The following COA1 variants were observed in gnomAD, a reference collection of about 807,000 sequenced individuals.
COA1 encodes cytochrome c oxidase assembly factor 1 homolog.
In COA1, 13 loss-of-function variants were observed where a neutral mutation model predicts 16.0. The ratio of observed to expected loss-of-function variants is 0.81; its 90% CI spans 0.53 to 1.29. COA1 has a LOEUF of 1.29. COA1 is among the 50% of genes most tolerant of loss of function. COA1 has a pLI of 0.00. For missense variants in COA1, 179 were observed against 177.0 expected, an observed-to-expected ratio of 1.01 and a Z score of -0.06; for synonymous variants, 65 against 65.7, an observed-to-expected ratio of 0.99 and a Z score of 0.05.
intron 1 of COA1, among the ~76,000 whole-genome samples, chr7:43,664,510 T>C (rs1163315926): frequency 1.3e-5 from 2 of 152,184 alleles, no homozygotes; most frequent in East Asian, 1.9e-4. Flanking sequence ...TCCTGACCTG[T>C]GTGGCGATTA....
intron 1 of COA1, among the ~76,000 whole-genome samples, chr7:43,659,474 G>C (rs565826554): frequency 1.3e-5 from 2 of 152,274 alleles, no homozygotes; most frequent in Admixed American, 6.5e-5. Context: ...AAGGTATTCA[G>C]TACTTTCTGG....
At chr7:43,700,494 A>G (rs1023636536) in intron 1 of COA1, among the ~76,000 whole-genome samples, 1 of 151,750 alleles carries the variant, frequency 6.6e-6, no homozygotes, top group East Asian at 1.9e-4. Flanking sequence ...AAACTGACAA[A>G]GATGCCCTAA....
intron 1 of COA1, among the ~76,000 whole-genome samples, chr7:43,715,006 TAAA>T (rs755827781): frequency 0.012 from 1,184 of 95,660 alleles, 26 homozygotes; most frequent in African/African-American, 0.034. Flanking sequence ...GCCTCTTGTC[TAAA>T]AAAAAAAAAA....
chr7:43,619,827 T>C, intron 6 of COA1: 2 of 1,384,214 alleles, frequency 1.4e-6, no homozygotes, highest in South Asian at 1.4e-5. Context: ...ATCTACTATG[T>C]TGAAATTCTA....
At chr7:43,692,409 T>C (rs1347803057) in intron 1 of COA1, among the ~76,000 whole-genome samples, 4 of 151,970 alleles carry the variant, frequency 2.6e-5, no homozygotes, top group Non-Finnish European at 5.9e-5. Context: ...TCTCAGCTAC[T>C]TGGGAGGCTG....
chr7:43,700,547 TAC>T (rs1230956877), intron 1 of COA1, among the ~76,000 whole-genome samples: 3 of 150,072 alleles, frequency 2.0e-5, no homozygotes, highest in Non-Finnish European at 4.4e-5. Context: ...TATATATATA[TAC>T]ATACACGTAT....
intron 1 of COA1, among the ~76,000 whole-genome samples, chr7:43,685,428 A>G (rs1356744031): frequency 6.6e-6 from 1 of 152,208 alleles, no homozygotes. Context: ...CTTTACATAT[A>G]TATCAACAAT....
At chr7:43,709,335 T>G (rs974002776) in intron 1 of COA1, among the ~76,000 whole-genome samples, 1 of 152,070 alleles carries the variant, frequency 6.6e-6, no homozygotes, top group African/African-American at 2.4e-5. Flanking sequence ...CTATCTCCTA[T>G]AATCTTTACT....
intron 1 of COA1, among the ~76,000 whole-genome samples, chr7:43,716,158 GTGT>G (rs1458130695): frequency 6.6e-6 from 1 of 152,122 alleles, no homozygotes; most frequent in African/African-American, 2.4e-5. Context: ...CAGCAGTGGG[GTGT>G]TGTTGAAGAT....
intron 1 of COA1, among the ~76,000 whole-genome samples, chr7:43,729,197 C>A (rs1486695861): frequency 1.3e-5 from 2 of 152,186 alleles, no homozygotes; most frequent in Non-Finnish European, 2.9e-5. Context: ...AAGGTTAGCT[C>A]GACACAGCCT....
At chr7:43,624,830 ATTT>A (rs770814106) in intron 6 of COA1, 65 of 1,600,570 alleles carry the variant, frequency 4.1e-5, no homozygotes, top group Middle Eastern at 1.7e-4. Flanking sequence ...TTCCAGGAGA[ATTT>A]ATCTACTGAG....
intron 6 of COA1, among the ~76,000 whole-genome samples, chr7:43,627,439 C>T (rs1025988804): frequency 6.6e-6 from 1 of 151,998 alleles, no homozygotes; most frequent in Non-Finnish European, 1.5e-5. Flanking sequence ...GGGGGTGGTG[C>T]GTGACTCAGT....
chr7:43,674,728 T>C (rs1027203627), intron 1 of COA1, among the ~76,000 whole-genome samples: 6 of 152,260 alleles, frequency 3.9e-5, no homozygotes, highest in African/African-American at 7.2e-5. Context: ...ATTGAGTTTA[T>C]TCAGTTAGTC....
rs1359747161 is a variant in COA1, at chr7:43,639,370, A to T, written c.*212T>A. On this transcript the variant is annotated 3_prime_UTR_variant, in exon 6 of 6. Transcript: ENST00000223336. ...AATTTATAATAGGAGTTTCTTTCGG[A>T]TTCAGTTTAAAAATGACAAATAGCA... is the stretch of plus-strand genomic sequence containing the variant. 2.4e-6 allele frequency: 1 copy of T among 419,866 alleles called. No homozygotes were observed. The highest frequency in any genetic ancestry group is 2.0e-5 in the African/African-American group (1 of 49,602). The allele number at this position is 419,866 out of a possible 1,614,324, so 26.0% of individuals were successfully genotyped here.
At chr7:43,692,547 A>AC (rs2094408837) in intron 1 of COA1, among the ~76,000 whole-genome samples, 3 of 151,940 alleles carry the variant, frequency 2.0e-5, no homozygotes, top group African/African-American at 4.8e-5. Context: ...ACAACAAAAA[A>AC]AAAACCACCT....
intron 1 of COA1, among the ~76,000 whole-genome samples, chr7:43,718,339 A>C (rs2095436715): frequency 6.6e-6 from 1 of 152,198 alleles, no homozygotes; most frequent in South Asian, 2.1e-4. Context: ...GCTCCCAGAG[A>C]TGTACAACTT....
intron 6 of COA1, chr7:43,609,787 G>C (rs553890472): frequency 6.6e-6 from 1 of 152,458 alleles, no homozygotes; most frequent in African/African-American, 2.4e-5. Flanking sequence ...CGAAGCCTCT[G>C]GACCACCCCC....
At chr7:43,684,685 C>T (rs2093935914) in intron 1 of COA1, among the ~76,000 whole-genome samples, 1 of 152,130 alleles carries the variant, frequency 6.6e-6, no homozygotes, top group Admixed American at 6.6e-5. Flanking sequence ...GTACAAGACG[C>T]CACCATCTTA....
chr7:43,625,317 AT>A (rs1353717366), intron 6 of COA1: 1 of 152,516 alleles, frequency 6.6e-6, no homozygotes, highest in Admixed American at 6.5e-5. Context: ...AGACATCTAA[AT>A]TTTCGAGACT....
Sources: allele counts gnomAD v4.1 joint callset (sites outside exome capture counted in the v4.1 genomes callset), GRCh38; gene constraint gnomAD v4.1.1; transcripts MANE v1.5; gene names NCBI Gene and HGNC (gene_info 2026-07-23, HGNC 2026-07-21).